Variants in GPC4 observed in about 807,000 individuals in gnomAD.
The protein encoded by GPC4 is glypican 4, also known as glypican-4.
Under a neutral mutation model 35.0 loss-of-function variants are expected in GPC4, and 10 were observed. That is an observed-to-expected ratio of 0.29 (90% CI 0.18 to 0.48). The LOEUF is 0.48. Among genes scored for constraint, GPC4 ranks in the 20% least tolerant of loss-of-function variants. The pLI, the probability that GPC4 is intolerant of heterozygous loss-of-function variation, is 0.99. For synonymous variants in GPC4, 167 were observed against 170.2 expected, an observed-to-expected ratio of 0.98 and a Z score of 0.15; for missense variants, 322 against 451.3, an observed-to-expected ratio of 0.71 and a Z score of 2.60.
chrX:133,379,457 CT>C (rs1009469163), intron 1 of GPC4, among the ~76,000 whole-genome samples: 1 of 111,917 alleles, frequency 8.9e-6, no homozygotes, highest in Admixed American at 9.5e-5. Context: ...CAGAATTTTA[CT>C]TTTGAAGTCA....
At position 133,357,432 on chromosome X, in the gene GPC4, C is replaced by G. The variant is rs562750298; in HGVS notation, c.161-18091G>C. Among the ~76,000 whole-genome samples, 24 of 106,827 alleles carry G rather than the reference C, an allele frequency of 2.2e-4. No homozygotes were observed. In the South Asian group the frequency reaches 0.011, roughly 47 times the overall value. The allele number at this position is 106,827 out of a possible 115,157, so 92.8% of individuals were successfully genotyped here. On this transcript the variant is annotated intron_variant, in intron 1 of 8. Transcript: ENST00000370828. ...TTAGAGATGGCGTCTCTGTCACCCA[C>G]GCTGGAGTGCAGTGGCATCATCATA...
chrX:133,370,222 G>GCAGCAAAAT (rs769343920), intron 1 of GPC4, among the ~76,000 whole-genome samples: 133 of 111,877 alleles, frequency 1.2e-3, no homozygotes, highest in Non-Finnish European at 3.6e-4. Context: ...AGAAGCAACA[G>GCAGCAAAAT]CAGCAAAATC....
At chrX:133,359,329 A>G (rs1467901825) in intron 1 of GPC4, among the ~76,000 whole-genome samples, 1 of 111,431 alleles carries the variant, frequency 9.0e-6, no homozygotes, top group East Asian at 2.8e-4. Flanking sequence ...TAGTCGCCCC[A>G]GAATAATTAC....
intron 2 of GPC4, among the ~76,000 whole-genome samples, chrX:133,337,412 G>A (rs2068448860): frequency 9.0e-6 from 1 of 111,502 alleles, no homozygotes; most frequent in South Asian, 3.8e-4. Context: ...TAAACCAGTA[G>A]GCCCATAGGC....
intron 1 of GPC4, among the ~76,000 whole-genome samples, chrX:133,404,628 C>A (rs1378243083): frequency 9.4e-6 from 1 of 106,016 alleles, no homozygotes; most frequent in Non-Finnish European, 1.9e-5. Context: ...GAGGCCAAGG[C>A]AGAATCACTT....
chrX:133,342,926 A>G (rs768056678), intron 1 of GPC4, among the ~76,000 whole-genome samples: 11 of 111,902 alleles, frequency 9.8e-5, no homozygotes, highest in Non-Finnish European at 1.7e-4. Context: ...GACTGCTTCT[A>G]AAATGCTGTG....
chrX:133,397,679 G>C (rs2068749913), intron 1 of GPC4, among the ~76,000 whole-genome samples: 1 of 111,972 alleles, frequency 8.9e-6, no homozygotes, highest in Non-Finnish European at 1.9e-5. Context: ...CCCACACCCT[G>C]AGTGCCTCCT....
In GPC4 at chrX:133,303,020, C is replaced by T. The variant is rs1603053235; in HGVS notation, c.1518G>A (p.Gln506=). The T allele has an allele frequency of 8.3e-7, 1 of 1,209,620 alleles. No homozygotes were observed. The highest frequency in any genetic ancestry group is 1.1e-6 in the Non-Finnish European group (1 of 895,147). Residue 506 remains glutamine (Q), a synonymous_variant, in exon 9 of 9, where the codon CAG becomes CAA. Coordinates refer to ENST00000370828, the MANE Select transcript of GPC4 (RefSeq NM_001448.3). ...CATTGTAGTCAAACTCTGAAGGGCA[C>T]TGCTGATACTCACAGCCACTTCCAC... ...EGSGSGCEYQ[Q]CPSEFDYNAT...
At chrX:133,388,463 G>C (rs2068702904) in intron 1 of GPC4, among the ~76,000 whole-genome samples, 1 of 111,880 alleles carries the variant, frequency 8.9e-6, no homozygotes, top group Non-Finnish European at 1.9e-5. Context: ...GGATTATAAA[G>C]CTGAACAAGA....
intron 2 of GPC4, among the ~76,000 whole-genome samples, chrX:133,331,828 C>T (rs2068421618): frequency 9.1e-6 from 1 of 110,105 alleles, no homozygotes; most frequent in African/African-American, 3.3e-5. Context: ...TATGTATATG[C>T]ATTATCTACG....
At chrX:133,331,348 A>C (rs1482233688) in intron 2 of GPC4, among the ~76,000 whole-genome samples, 1 of 111,888 alleles carries the variant, frequency 8.9e-6, no homozygotes, top group African/African-American at 3.2e-5. Context: ...CGTATAAGTA[A>C]GCTAGGGAGC....
At chrX:133,318,561 T>C (rs908189918) in intron 3 of GPC4, among the ~76,000 whole-genome samples, 1 of 111,853 alleles carries the variant, frequency 8.9e-6, no homozygotes, top group African/African-American at 3.3e-5. Flanking sequence ...CTTCTGTAGT[T>C]TGGGGTGGGG....
chrX:133,369,971 C>T (rs1209458947), intron 1 of GPC4, among the ~76,000 whole-genome samples: 1 of 111,731 alleles, frequency 9.0e-6, no homozygotes, highest in Admixed American at 9.5e-5. Context: ...AAGCATGTTA[C>T]ATCAACTAGT....
chrX:133,378,216 G>A (rs113309060), intron 1 of GPC4, among the ~76,000 whole-genome samples: 3 of 111,102 alleles, frequency 2.7e-5, no homozygotes, highest in African/African-American at 9.8e-5. Context: ...ATTCAAAGTT[G>A]AACCATCTCT....
intron 1 of GPC4, among the ~76,000 whole-genome samples, chrX:133,386,781 G>A (rs966525752): frequency 8.9e-6 from 1 of 111,902 alleles, no homozygotes; most frequent in Non-Finnish European, 1.9e-5. Context: ...AATCCCTTTA[G>A]TTTATGGTTT....
At position 133,415,097 on chromosome X, in the gene GPC4, G is replaced by C; in HGVS notation, c.-132C>G. ...GAGGGAGAAGGAGTTGGAGTTGGTGGAAGAGGCGAGCAGGCGGAGGAGACG... is the reference window on the plus strand; with the variant it reads ...GAGGGAGAAGGAGTTGGAGTTGGTGCAAGAGGCGAGCAGGCGGAGGAGACG... On this transcript the variant is annotated 5_prime_UTR_variant, in exon 1 of 9. Coordinates refer to ENST00000370828, the MANE Select transcript of GPC4 (RefSeq NM_001448.3). 1.6e-6 allele frequency: 1 copy of C among 641,899 alleles called. No homozygotes were observed. The highest frequency in any genetic ancestry group is 3.0e-5 in the South Asian group (1 of 33,754). The allele number at this position is 641,899 out of a possible 1,213,427, so 52.9% of individuals were successfully genotyped here. A position where few individuals can be genotyped will look rare whatever the true frequency, so the allele number is the denominator to read the frequency against.
intron 1 of GPC4, among the ~76,000 whole-genome samples, chrX:133,382,985 G>A (rs2068670257): frequency 8.9e-6 from 1 of 112,149 alleles, no homozygotes; most frequent in Admixed American, 9.5e-5. Context: ...TTTGAAGGCA[G>A]TTTGGCAGTT....
At chrX:133,358,968 C>T (rs781003116) in intron 1 of GPC4, among the ~76,000 whole-genome samples, 12 of 110,332 alleles carry the variant, frequency 1.1e-4, no homozygotes, top group South Asian at 3.9e-4. Context: ...TCTGGAGACA[C>T]GAAAAATGAT....
At chrX:133,318,773 T>C (rs998893572) in intron 3 of GPC4, among the ~76,000 whole-genome samples, 4 of 112,199 alleles carry the variant, frequency 3.6e-5, no homozygotes, top group Non-Finnish European at 7.5e-5. Flanking sequence ...CCATGACAAA[T>C]AACGATGGAA....
Sources: gnomAD v4.1 joint callset for allele counts (sites outside exome capture counted in the v4.1 genomes callset) on GRCh38, gnomAD v4.1.1 for gene constraint, MANE v1.5 for transcripts, NCBI Gene and HGNC (gene_info 2026-07-23, HGNC 2026-07-21) for gene names.